SLIT3: variants seen among roughly 807,000 people sequenced by gnomAD.
The protein encoded by SLIT3 is slit homolog 3 protein.
A neutral mutation model predicts 184.0 loss-of-function variants in SLIT3; 68 were observed. That is an observed-to-expected ratio of 0.37 (90% CI 0.30 to 0.45). The LOEUF is 0.45. Among genes scored for constraint, SLIT3 ranks in the 20% least tolerant of loss-of-function variants. The pLI, the probability that SLIT3 is intolerant of heterozygous loss-of-function variation, is 1.00. For synonymous variants in SLIT3, 831 were observed against 828.6 expected, an observed-to-expected ratio of 1.00 and a Z score of -0.05; for missense variants, 1,707 against 2,026.0, an observed-to-expected ratio of 0.84 and a Z score of 3.02.
At chr5:168,954,435 G>A (rs767146760) in intron 4 of SLIT3, among the ~76,000 whole-genome samples, 1 of 152,032 alleles carries the variant, frequency 6.6e-6, no homozygotes, top group Non-Finnish European at 1.5e-5. Flanking sequence ...ATAAACACTA[G>A]GACTCTCCGA....
chr5:168,687,269 T>G (rs1761776587), intron 29 of SLIT3, among the ~76,000 whole-genome samples, 153 bp from the exon 30 acceptor site: 1 of 152,220 alleles, frequency 6.6e-6, no homozygotes, highest in Non-Finnish European at 1.5e-5. Context: ...ACAGCAGGTT[T>G]CCCTGGTGGC....
intron 4 of SLIT3, among the ~76,000 whole-genome samples, chr5:169,084,743 TC>T (rs1478654052): frequency 6.6e-6 from 1 of 152,192 alleles, no homozygotes; most frequent in African/African-American, 2.4e-5. Flanking sequence ...AGAGCAGAGT[TC>T]CCCTCTTTCA....
At chr5:168,878,824 C>T (rs961818681) in intron 5 of SLIT3, among the ~76,000 whole-genome samples, 2 of 150,788 alleles carry the variant, frequency 1.3e-5, no homozygotes, top group African/African-American at 4.9e-5. Context: ...AAACAGTTCT[C>T]TTGCCTCAGT....
At chr5:169,207,254 T>A (rs1191151345) in intron 3 of SLIT3, among the ~76,000 whole-genome samples, 1 of 152,036 alleles carries the variant, frequency 6.6e-6, no homozygotes, top group East Asian at 1.9e-4. Context: ...GATGTTCACT[T>A]ACTGAGAAAT....
intron 4 of SLIT3, among the ~76,000 whole-genome samples, chr5:169,125,757 TTGTG>T (rs1761055653): frequency 6.6e-6 from 1 of 152,186 alleles, no homozygotes; most frequent in Non-Finnish European, 1.5e-5. Context: ...TGACTGCCAT[TTGTG>T]CCTGGGCATT....
intron 1 of SLIT3, among the ~76,000 whole-genome samples, chr5:169,297,782 T>C (rs1203390630): frequency 6.6e-6 from 1 of 152,202 alleles, no homozygotes; most frequent in East Asian, 1.9e-4. Context: ...ATATACAGTT[T>C]CTGGAATGCA....
intron 4 of SLIT3, among the ~76,000 whole-genome samples, chr5:169,058,339 G>C (rs930738949): frequency 6.6e-6 from 1 of 152,126 alleles, no homozygotes; most frequent in African/African-American, 2.4e-5. Context: ...GTTCCGGGAG[G>C]GCCACCAAAC....
chr5:168,779,035 C>T (rs1003785830), intron 12 of SLIT3, among the ~76,000 whole-genome samples: 8 of 152,198 alleles, frequency 5.3e-5, no homozygotes, highest in African/African-American at 1.9e-4. Flanking sequence ...CCACAGCCAC[C>T]AGGTGAACAG....
At chr5:168,732,653 C>CA (rs1378994066) in intron 20 of SLIT3, among the ~76,000 whole-genome samples, 2 of 151,910 alleles carry the variant, frequency 1.3e-5, no homozygotes, top group East Asian at 3.9e-4. Context: ...ACAGAGAACC[C>CA]AAAAATAAAG....
At chr5:168,971,989 A>G (rs1561582171) in intron 4 of SLIT3, among the ~76,000 whole-genome samples, 1 of 152,248 alleles carries the variant, frequency 6.6e-6, no homozygotes, top group Non-Finnish European at 1.5e-5. Flanking sequence ...GCAAAAAATA[A>G]TTTCTGTAAA....
intron 5 of SLIT3, among the ~76,000 whole-genome samples, chr5:168,874,828 A>G: frequency 6.6e-6 from 1 of 152,226 alleles, no homozygotes; most frequent in East Asian, 1.9e-4. Context: ...GCTGGTATTT[A>G]TCGAGCACTT....
At chr5:168,734,519 A>G (rs1239805949) in intron 20 of SLIT3, among the ~76,000 whole-genome samples, 3 of 152,172 alleles carry the variant, frequency 2.0e-5, no homozygotes, top group Admixed American at 6.5e-5. Flanking sequence ...TTTCAATATC[A>G]GTTCCCACAC....
At chr5:168,894,717 C>CT (rs558032486) in intron 4 of SLIT3, among the ~76,000 whole-genome samples, 93 of 152,304 alleles carry the variant, frequency 6.1e-4, no homozygotes, top group African/African-American at 2.1e-3. Context: ...TAAACCTGGC[C>CT]TGAGAGGGTA....
chr5:169,282,063 G>A (rs888781), intron 1 of SLIT3, among the ~76,000 whole-genome samples: 42,241 of 152,120 alleles, frequency 0.28, 6,390 homozygotes, highest in South Asian at 0.4. Flanking sequence ...CCTGAGCTAC[G>A]TGGAAGTTTC....
chr5:169,273,095 C>T (rs541783623), intron 1 of SLIT3, among the ~76,000 whole-genome samples: 33 of 152,252 alleles, frequency 2.2e-4, no homozygotes, highest in Admixed American at 1.1e-3. Context: ...GAAGGCGGCC[C>T]CTTCTGAACC....
intron 5 of SLIT3, 68 bp from the exon 6 acceptor site, chr5:168,844,723 ACCCGAGCGCCTGTCCCTCCACC>A: frequency 6.8e-7 from 1 of 1,472,364 alleles, no homozygotes; most frequent in Non-Finnish European, 9.5e-7. Context: ...GGCCCAGGCC[ACCCGAGCGCCTGTCCCTCCACC>A]CCCTTGCAGG....
chr5:168,946,315 C>A (rs1407015297), intron 4 of SLIT3, among the ~76,000 whole-genome samples: 1 of 152,234 alleles, frequency 6.6e-6, no homozygotes, highest in Admixed American at 6.5e-5. Context: ...AATAGAGAAT[C>A]AGTCCTGCTG....
At chr5:169,298,279 A>G (rs1419718643) in intron 1 of SLIT3, among the ~76,000 whole-genome samples, 1 of 152,084 alleles carries the variant, frequency 6.6e-6, no homozygotes, top group Non-Finnish European at 1.5e-5. Context: ...CTGCCTATTA[A>G]CGACTGCAGC....
intron 12 of SLIT3, among the ~76,000 whole-genome samples, chr5:168,784,041 C>T (rs1210133730): frequency 6.6e-6 from 1 of 152,178 alleles, no homozygotes; most frequent in Non-Finnish European, 1.5e-5. Flanking sequence ...CTGTGCTAGG[C>T]ACTGTGATAC....
Sources: allele counts gnomAD v4.1 joint callset (sites outside exome capture counted in the v4.1 genomes callset), GRCh38; gene constraint gnomAD v4.1.1; transcripts MANE v1.5; gene names NCBI Gene and HGNC (gene_info 2026-07-23, HGNC 2026-07-21).